The following LRCH1 variants were observed in gnomAD, a reference collection of about 807,000 sequenced individuals.
LRCH1 encodes the protein leucine-rich repeat and calponin homology domain-containing protein 1.
A neutral mutation model predicts 94.9 loss-of-function variants in LRCH1; 23 were observed. The observed-to-expected ratio is 0.24, with a 90% confidence interval of 0.17 to 0.34. The LOEUF (loss-of-function observed/expected upper bound fraction) is 0.34, where lower values mean the gene tolerates loss of function less well. Among genes scored for constraint, LRCH1 ranks in the 10% least tolerant of loss-of-function variants. The pLI is 1.00. For synonymous variants in LRCH1, 364 were observed against 354.9 expected, an observed-to-expected ratio of 1.03 and a Z score of -0.29; for missense variants, 790 against 945.9, an observed-to-expected ratio of 0.84 and a Z score of 2.16.
chr13:46,562,864 C>T (rs1415306210), intron 1 of LRCH1, among the ~76,000 whole-genome samples: 1 of 152,176 alleles, frequency 6.6e-6, no homozygotes, highest in Non-Finnish European at 1.5e-5. Flanking sequence ...CTCCTGAGCC[C>T]TCGAATGTGC....
chr13:46,679,261 C>T (rs77227800), intron 3 of LRCH1, among the ~76,000 whole-genome samples: 5 of 152,206 alleles, frequency 3.3e-5, no homozygotes, highest in Non-Finnish European at 7.3e-5. Context: ...CTAGGACTCA[C>T]CTGTGTGGTA....
intron 1 of LRCH1, among the ~76,000 whole-genome samples, chr13:46,649,382 A>G (rs1011466568): frequency 6.6e-6 from 1 of 152,162 alleles, no homozygotes; most frequent in African/African-American, 2.4e-5. Flanking sequence ...TCTCCCATTC[A>G]TTTAGATATT....
chr13:46,624,173 T>C (rs2050917335), intron 1 of LRCH1, among the ~76,000 whole-genome samples: 1 of 152,166 alleles, frequency 6.6e-6, no homozygotes, highest in Non-Finnish European at 1.5e-5. Context: ...TGTGAGCCAC[T>C]ACACCCAGGC....
At chr13:46,691,372 CTTTT>C (rs1322825076) in intron 7 of LRCH1, among the ~76,000 whole-genome samples, 53 of 152,292 alleles carry the variant, frequency 3.5e-4, no homozygotes, top group Admixed American at 2.7e-3. Flanking sequence ...CAGAGCAGTT[CTTTT>C]TAACTACTAC....
intron 11 of LRCH1, among the ~76,000 whole-genome samples, chr13:46,702,469 T>C (rs1283182283): frequency 1.3e-5 from 2 of 151,956 alleles, no homozygotes; most frequent in African/African-American, 2.4e-5. Flanking sequence ...GCCACCACAC[T>C]CCAGCCTGGG....
chr13:46,705,391 G>A (rs761171852), intron 13 of LRCH1, 87 bp downstream of exon 13: 2 of 1,156,568 alleles, frequency 1.7e-6, no homozygotes, highest in African/African-American at 3.0e-5. Context: ...ATTTGTCAGG[G>A]AGTGAAACAT....
chr13:46,730,412 G>A (rs908148431), intron 18 of LRCH1, among the ~76,000 whole-genome samples: 8 of 152,124 alleles, frequency 5.3e-5, no homozygotes, highest in African/African-American at 1.9e-4. Context: ...AGAGCCCAGT[G>A]TGTTGGACTG....
chr13:46,747,847 C>G (rs1024716213), downstream of LRCH1, among the ~76,000 whole-genome samples: 4 of 152,002 alleles, frequency 2.6e-5, no homozygotes, highest in African/African-American at 9.7e-5. Context: ...AAATGATCCT[C>G]CCACCTCAGC....
chr13:46,603,090 T>C (rs895822300), intron 1 of LRCH1, among the ~76,000 whole-genome samples: 2 of 152,210 alleles, frequency 1.3e-5, no homozygotes, highest in African/African-American at 2.4e-5. Flanking sequence ...CTTCATCCTG[T>C]AAATAATTTT....
intron 1 of LRCH1, among the ~76,000 whole-genome samples, chr13:46,575,160 A>G (rs1239597851): frequency 6.6e-6 from 1 of 152,156 alleles, no homozygotes; most frequent in Non-Finnish European, 1.5e-5. Context: ...CTACATTGTC[A>G]ATGACTCTGA....
intron 13 of LRCH1, among the ~76,000 whole-genome samples, chr13:46,709,745 G>T (rs754105320): frequency 1.7e-4 from 26 of 151,896 alleles, no homozygotes; most frequent in African/African-American, 5.3e-4. Flanking sequence ...TTGGCTGAAG[G>T]AGGAGTATTT....
intron 15 of LRCH1, among the ~76,000 whole-genome samples, chr13:46,713,351 A>G (rs1373880642): frequency 6.6e-6 from 1 of 152,208 alleles, no homozygotes; most frequent in Non-Finnish European, 1.5e-5. Flanking sequence ...GCAAGTGCTA[A>G]TAAAGAATTC....
intron 1 of LRCH1, among the ~76,000 whole-genome samples, chr13:46,604,380 TG>T (rs1338862751): frequency 6.6e-6 from 1 of 152,174 alleles, no homozygotes; most frequent in Non-Finnish European, 1.5e-5. Flanking sequence ...CCTTGCTCCC[TG>T]GGTCTGGGGC....
At chr13:46,752,673 A>G (rs1874190384) in exon 19 of LRCH1, 1 of 152,194 alleles carries the variant, frequency 6.6e-6, no homozygotes, top group Non-Finnish European at 1.5e-5. Flanking sequence ...CTGCACCTTC[A>G]CGGGCATTCA....
At chr13:46,749,159 G>C (rs970837409), downstream of LRCH1, among the ~76,000 whole-genome samples, 4 of 152,172 alleles carry the variant, frequency 2.6e-5, no homozygotes, top group African/African-American at 9.7e-5. Context: ...CCTAGGGCTG[G>C]ATGCAGATCC....
intron 17 of LRCH1, among the ~76,000 whole-genome samples, chr13:46,728,547 C>A (rs1176826308): frequency 6.6e-6 from 1 of 152,200 alleles, no homozygotes; most frequent in African/African-American, 2.4e-5. Flanking sequence ...CCTCTTCTGC[C>A]CCATGCAGAC....
intron 8 of LRCH1, 84 bp downstream of exon 8, chr13:46,692,725 G>A: frequency 1.0e-6 from 1 of 984,176 alleles, no homozygotes; most frequent in South Asian, 1.4e-5. Context: ...AGATAGGGCA[G>A]TGATAATCTT....
At chr13:46,674,295 A>T (rs77061169) in intron 3 of LRCH1, among the ~76,000 whole-genome samples, 1,981 of 152,314 alleles carry the variant, frequency 0.013, 40 homozygotes, top group African/African-American at 0.045. Context: ...ATGCATTCCC[A>T]TTCAGTCACT....
intron 16 of LRCH1, among the ~76,000 whole-genome samples, chr13:46,721,233 CAT>C (rs1405070928): frequency 6.6e-6 from 1 of 152,100 alleles, no homozygotes; most frequent in African/African-American, 2.4e-5. Flanking sequence ...CCAATAAAAA[CAT>C]ATTGAAAATA....
Sources: gnomAD v4.1 joint callset for allele counts (sites outside exome capture counted in the v4.1 genomes callset) on GRCh38, gnomAD v4.1.1 for gene constraint, MANE v1.5 for transcripts, NCBI Gene and HGNC (gene_info 2026-07-23, HGNC 2026-07-21) for gene names.